Variants in BPIFB6 observed in about 807,000 individuals in gnomAD.
The protein encoded by BPIFB6 is BPI fold containing family B member 6.
A neutral mutation model predicts 54.7 loss-of-function variants in BPIFB6; 47 were observed. The observed-to-expected ratio is 0.86, with a 90% confidence interval of 0.68 to 1.10. The LOEUF (loss-of-function observed/expected upper bound fraction) is 1.10, where lower values mean the gene tolerates loss of function less well. Ranked by LOEUF, BPIFB6 falls within the 50% of genes least tolerant of loss-of-function variation. The pLI is 0.00. For synonymous variants in BPIFB6, 255 were observed against 225.9 expected (o/e 1.13, Z -1.16); for missense variants, 603 against 564.1 (o/e 1.07, Z -0.70).
intron 13 of BPIFB6, 47 bp from the exon 14 acceptor site, chr20:33,043,244 C>G (rs1399839333): frequency 6.4e-7 from 1 of 1,557,704 alleles, no homozygotes; most frequent in African/African-American, 1.4e-5. Flanking sequence ...ACTCCTTAAT[C>G]AACTGCACAG....
At chr20:33,041,060 G>A (rs1979563348) in intron 11 of BPIFB6, among the ~76,000 whole-genome samples, 1 of 149,842 alleles carries the variant, frequency 6.7e-6, no homozygotes, top group Non-Finnish European at 1.5e-5. Flanking sequence ...CGCAATCTCG[G>A]CTCACTGCAA....
At chr20:33,040,985 CTTTTTTTTTTTTT>C (rs59134684) in intron 11 of BPIFB6, among the ~76,000 whole-genome samples, 1 of 116,846 alleles carries the variant, frequency 8.6e-6, no homozygotes, top group Non-Finnish European at 1.8e-5. Flanking sequence ...AGGAGTAGTT[CTTTTTTTTTTTTT>C]TTTTTTTTTG....
chr20:33,040,220 C>T (rs1331296640), intron 10 of BPIFB6, 31 bp from the exon 11 acceptor site: 13 of 1,605,820 alleles, frequency 8.1e-6, no homozygotes, highest in Non-Finnish European at 1.1e-5. Flanking sequence ...GAACCCACTG[C>T]CTTCTCCCTG....
chr20:33,042,744 A>T, intron 12 of BPIFB6, 71 bp from the exon 13 acceptor site: 1 of 1,422,246 alleles, frequency 7.0e-7, no homozygotes, highest in South Asian at 1.2e-5. Context: ...CTAGCCAGAG[A>T]GGGCTGAAAA....
chr20:33,034,264 C>T lies in BPIFB6; in HGVS notation c.276C>T (p.Ser92=), dbSNP rs375934519. The T allele has an allele frequency of 8.1e-6, 13 of 1,613,794 alleles. No homozygotes were observed. The highest frequency in any genetic ancestry group is 9.3e-6 in the Non-Finnish European group (11 of 1,179,844). Residue 92 remains serine, a synonymous_variant, in exon 3 of 15, where the codon TCC becomes TCT. Coordinates refer to ENST00000349552, the MANE Select transcript of BPIFB6 (RefSeq NM_174897.2). ...GAGTGGGCATCTTCCAATGTGTGTC[C>T]ACAGGCATGACCGTCACTGGCAAGA... is the stretch of plus-strand genomic sequence containing the variant. ...VPGVGIFQCV[S]TGMTVTGKSF...
At chr20:33,041,410 G>A (rs117173517) in intron 11 of BPIFB6, among the ~76,000 whole-genome samples, 2,771 of 152,230 alleles carry the variant, frequency 0.018, 57 homozygotes, top group South Asian at 0.053. Flanking sequence ...TAAATTCTCA[G>A]GCAGCTTCTG....
chr20:33,042,128 C>A, intron 12 of BPIFB6, 113 bp downstream of exon 12: 1 of 1,094,128 alleles, frequency 9.1e-7, no homozygotes, highest in Non-Finnish European at 1.4e-6. Flanking sequence ...CAGAGCAAGG[C>A]CACTGTGAGG....
At chr20:33,032,907 C>G (rs1004930147) in intron 1 of BPIFB6, 77 bp from the exon 2 acceptor site, 5 of 1,171,710 alleles carry the variant, frequency 4.3e-6, no homozygotes, top group South Asian at 1.3e-5. Flanking sequence ...GGGTGGGGCA[C>G]AGTGACGGTG....
chr20:33,043,238 C>G, intron 13 of BPIFB6, 53 bp from the exon 14 acceptor site: 5 of 1,536,386 alleles, frequency 3.3e-6, no homozygotes, highest in Admixed American at 1.7e-5. Context: ...GCTGCCACTC[C>G]TTAATCAACT....
chr20:33,036,340 G>C, intron 6 of BPIFB6, 105 bp from the exon 7 acceptor site: 1 of 907,944 alleles, frequency 1.1e-6, no homozygotes, highest in East Asian at 2.4e-5. Flanking sequence ...AATTTGCCTT[G>C]AGTCACGTGG....
In BPIFB6 at chr20:33,040,295, G is replaced by A. The variant is rs148972514; in HGVS notation, c.1119G>A (p.Leu373=). ...KVQYSVHENQ[L]QMATSLDRLL... is the part of the protein sequence containing the mutation. ...AGTACTCAGTGCATGAGAACCAGCT[G>A]CAGATGGCCACTTCTTTGGACAGGT... The change falls in exon 11 of 15, where the codon CTG becomes CTA. Residue 373 remains leucine, a synonymous_variant. Transcript: ENST00000349552. The A allele has an allele frequency of 2.2e-5, 36 of 1,613,990 alleles. No individual in the cohort carries two copies. Among genetic ancestry groups the A allele is most frequent in the Non-Finnish European group, 2.7e-5 (32 of 1,180,010 alleles).
At position 33,035,259 on chromosome 20, in the gene BPIFB6, G is replaced by C. The variant is rs544935755; in HGVS notation, c.516+115G>C. ...TGATTGACTGATAGTGGCTGGGAAG[G>C]GTTCTGAGACTGTGGCTGGCTCAGT... On this transcript the variant is annotated intron_variant, in intron 5 of 14. Transcript: ENST00000349552. 13 of 1,113,552 alleles carry C rather than the reference G, an allele frequency of 1.2e-5. No individual in the cohort carries two copies. In the Middle Eastern group the frequency reaches 5.9e-4, roughly 51 times the overall value. The allele number at this position is 1,113,552 out of a possible 1,614,324, so 69.0% of individuals were successfully genotyped here. A position where few individuals can be genotyped will look rare whatever the true frequency, so the allele number is the denominator to read the frequency against.
chr20:33,037,077 G>C (rs144960021), intron 7 of BPIFB6, among the ~76,000 whole-genome samples: 2 of 152,144 alleles, frequency 1.3e-5, no homozygotes, highest in African/African-American at 4.8e-5. Flanking sequence ...CCTGCAGTGA[G>C]TTGGTGTCAG....
chr20:33,034,909 G>A lies in BPIFB6; in HGVS notation c.449G>A (p.Ser150Asn). ...GTCAATGTGAAGACTAACCTGCCTA[G>A]CAAGTGAGGGGCTCTGTGGCTGGGG... The part of the protein sequence containing the change: ...ILVNVKTNLP[S>N]NMLPKMVNKF... The change falls in exon 4 of 15, where the codon AGC (serine) becomes AAC (asparagine). Residue 150 changes from serine (S) to asparagine (N), a missense_variant. Transcript: ENST00000349552. 6.2e-7 allele frequency: 1 copy of A among 1,608,726 alleles called. No individual in the cohort carries two copies. The highest frequency in any genetic ancestry group is 2.2e-5 in the East Asian group (1 of 44,684).
At chr20:33,037,423 A>G in intron 7 of BPIFB6, 139 bp from the exon 8 acceptor site, 1 of 824,984 alleles carries the variant, frequency 1.2e-6, no homozygotes, top group Non-Finnish European at 1.9e-6. Context: ...ACTGTAGCCC[A>G]TTGTGGTTCT....
intron 7 of BPIFB6, 87 bp downstream of exon 7, chr20:33,036,623 G>C: frequency 7.8e-6 from 10 of 1,282,928 alleles, no homozygotes; most frequent in East Asian, 2.3e-5. Flanking sequence ...CAGGTGGCTG[G>C]ACTAGGGCTG....
At chr20:33,043,114 A>T (rs900829331) in intron 13 of BPIFB6, among the ~76,000 whole-genome samples, 177 bp from the exon 14 acceptor site, 9 of 152,200 alleles carry the variant, frequency 5.9e-5, no homozygotes, top group African/African-American at 1.9e-4. Flanking sequence ...ATAACCCCAC[A>T]TCTTGACCTG....
rs1979260540 is a variant in BPIFB6 at position 33,034,842 on chromosome 20, G to A, written c.382G>A (p.Gly128Ser). Reference protein sequence around the residue: ...TNRLLRDEETGLPVFKSEGCE... With the variant: ...TNRLLRDEETSLPVFKSEGCE... ...CCGGCTTCTGCGGGATGAGGAGACA[G>A]GCCTCCCCGTGTTCAAGAGTGAGGG... Residue 128 changes from glycine to serine, a missense_variant, in exon 4 of 15, where the codon GGC becomes AGC. Transcript: ENST00000349552. 1 of 1,613,772 alleles carries A rather than the reference G, an allele frequency of 6.2e-7. No individual in the cohort carries two copies. The highest frequency in any genetic ancestry group is 8.5e-7 in the Non-Finnish European group (1 of 1,179,858).
chr20:33,035,910 T>C (rs1458214425), intron 6 of BPIFB6, among the ~76,000 whole-genome samples: 1 of 152,038 alleles, frequency 6.6e-6, no homozygotes, highest in Non-Finnish European at 1.5e-5. Flanking sequence ...CCCACAAGAC[T>C]CCAAAGACAG....
Sources: gnomAD v4.1 joint callset for allele counts (sites outside exome capture counted in the v4.1 genomes callset) on GRCh38, gnomAD v4.1.1 for gene constraint, MANE v1.5 for transcripts, NCBI Gene and HGNC (gene_info 2026-07-23, HGNC 2026-07-21) for gene names.